Variants in MAP4 observed in about 807,000 individuals in gnomAD.
The protein encoded by MAP4 is microtubule associated protein 4, also known as microtubule-associated protein 4.
Under a neutral mutation model 170.2 loss-of-function variants are expected in MAP4, and 76 were observed. The ratio of observed to expected loss-of-function variants is 0.45; its 90% CI spans 0.37 to 0.54. The LOEUF (loss-of-function observed/expected upper bound fraction) is 0.54, where lower values mean the gene tolerates loss of function less well. Among genes scored for constraint, MAP4 ranks in the 20% least tolerant of loss-of-function variants. MAP4 has a pLI of 0.00. For missense variants in MAP4, 2,506 were observed against 2,748.0 expected, an observed-to-expected ratio of 0.91 and a Z score of 1.97; for synonymous variants, 909 against 994.5, an observed-to-expected ratio of 0.91 and a Z score of 1.62.
At chr3:47,871,578 CTCT>C (rs974185061) in intron 13 of MAP4, among the ~76,000 whole-genome samples, 9 of 152,212 alleles carry the variant, frequency 5.9e-5, no homozygotes, top group Non-Finnish European at 1.0e-4. Context: ...GCACCACGCC[CTCT>C]TCTTATCATC....
upstream of MAP4, among the ~76,000 whole-genome samples, chr3:48,020,897 C>G (rs1320908773): frequency 6.6e-6 from 1 of 152,040 alleles, no homozygotes; most frequent in Non-Finnish European, 1.5e-5. Flanking sequence ...CTCCTGGGCT[C>G]AAGCGATCCT....
chr3:47,889,405 C>T (rs1472081170), intron 10 of MAP4, among the ~76,000 whole-genome samples: 1 of 152,244 alleles, frequency 6.6e-6, no homozygotes, highest in African/African-American at 2.4e-5. Context: ...TTCCACAATT[C>T]ACAACCCTCC....
At position 47,911,896 on chromosome 3, in the gene MAP4, G is replaced by T; in HGVS notation, c.2525C>A (p.Ala842Asp). Residue 842 changes from alanine (A) to aspartate (D), a missense_variant, in exon 9 of 21, where the codon GCC (alanine) becomes GAC (aspartate). Ala to Asp is a moderately radical substitution (Grantham distance 126). Around this residue, in one of 3 missense-constraint regions of MAP4, gnomAD observed 2,008 missense variants for 2,206.0 expected, o/e 0.91. Transcript: ENST00000683076. The surrounding 1 kb of genome is among the most constrained non-coding windows in gnomAD (Gnocchi z 4.0). ...KRECLVNSSA[A>D]RLVAENFVSE... ...GACAAAGTTCTCAGCTACCAGTCTG[G>T]CTGCACTGGAGTTAACTAAACATTC... The T allele has an allele frequency of 6.5e-7, 1 of 1,536,052 alleles. No individual in the cohort carries two copies. The highest frequency in any genetic ancestry group is 1.4e-5 in the African/African-American group (1 of 73,138).
intron 3 of MAP4, among the ~76,000 whole-genome samples, chr3:47,977,601 A>G (rs918243416): frequency 6.6e-6 from 1 of 152,332 alleles, no homozygotes; most frequent in South Asian, 2.1e-4. Flanking sequence ...TGCATCTACA[A>G]AAGTATTTTA....
chr3:47,926,537 G>A (rs970371441), intron 4 of MAP4, among the ~76,000 whole-genome samples: 3 of 151,998 alleles, frequency 2.0e-5, no homozygotes, highest in African/African-American at 7.3e-5. Context: ...CTGTCTGTCT[G>A]TCTACACATC....
intron 1 of MAP4, among the ~76,000 whole-genome samples, chr3:48,008,245 T>C (rs2100103474): frequency 6.6e-6 from 1 of 152,158 alleles, no homozygotes; most frequent in South Asian, 2.1e-4. Flanking sequence ...GCCTTCTCTC[T>C]CCCAGCCTGC....
Position 47,871,920 on chromosome 3 carries a change from T to A in MAP4, c.5938A>T (p.Thr1980Ser), listed in dbSNP as rs768746113. 2.5e-6 allele frequency: 4 copies of A among 1,608,966 alleles called. No individual in the cohort carries two copies. The highest frequency in any genetic ancestry group is 3.4e-6 in the Non-Finnish European group (4 of 1,176,430). The change falls in exon 13 of 21, where the codon ACT becomes TCT. Residue 1980 changes from threonine to serine, a missense_variant. Thr to Ser is a moderately conservative substitution (Grantham distance 58). This residue lies in a region of MAP4 where 487 missense variants were observed against 511.6 expected (regional missense o/e 0.95). Transcript: ENST00000683076. ...SPSTLLPKKP[T>S]AIKTEGKPAE... The stretch of plus-strand genomic sequence containing the variant: ...GGGAGAGAAAGGCAATACTCACCAG[T>A]GGGCTTCTTGGGCAGGAGCGTGGAG...
rs1225139260 is a variant in MAP4, at chr3:47,949,467, A to C, written c.293-21117T>G. Among the ~76,000 whole-genome samples, 48 of 82,640 alleles carry C rather than the reference A, an allele frequency of 5.8e-4. No homozygotes were observed. In the East Asian group the frequency reaches 0.015, roughly 26 times the overall value. 54.2% of individuals were successfully genotyped at this position (82,640 alleles called of 152,430 possible). ...GGCAACAGAGCAAGACTGCGTCCCA[A>C]AAAAAAAAAAAAAAAAAAAAAAGAA... is the stretch of plus-strand genomic sequence containing the variant. On this transcript the variant is annotated intron_variant, in intron 3 of 20. Coordinates refer to ENST00000683076, the MANE Select transcript of MAP4 (RefSeq NM_001385682.1).
intron 2 of MAP4, among the ~76,000 whole-genome samples, chr3:47,994,925 T>G (rs1160080921): frequency 6.8e-6 from 1 of 147,768 alleles, no homozygotes; most frequent in Non-Finnish European, 1.5e-5. Flanking sequence ...CTCCAGCCTG[T>G]GCAATAGAGC....
At chr3:48,083,966 C>T (rs987587172) in intron 1 of MAP4, among the ~76,000 whole-genome samples, 18 of 152,006 alleles carry the variant, frequency 1.2e-4, no homozygotes, top group Admixed American at 1.2e-3. Context: ...CTCAAGTGAT[C>T]CCCCTGCCTC....
rs900062657 is a variant in MAP4 at position 47,852,501 on chromosome 3, G to C, written c.*433C>G. ...CCTCCAGGTAGATCCAGGGAGAAGG[G>C]AGGGCATGTCAGTTTCTTTTGGGTT... On this transcript the variant is annotated 3_prime_UTR_variant, in exon 21 of 21. Transcript: ENST00000683076. 1.0e-4 allele frequency: 43 copies of C among 421,650 alleles called. No homozygotes were observed. Among genetic ancestry groups the C allele is most frequent in the Middle Eastern group, 6.2e-4 (1 of 1,618 alleles). 26.1% of individuals were successfully genotyped at this position (421,650 alleles called of 1,614,324 possible). A position where few individuals can be genotyped will look rare whatever the true frequency, so the allele number is the denominator to read the frequency against.
At position 47,870,965 on chromosome 3, in the gene MAP4, A is replaced by C; in HGVS notation, c.6142T>G (p.Phe2048Val). The change falls in exon 15 of 21, where the codon TTC (phenylalanine) becomes GTC (valine). Residue 2048 changes from phenylalanine (F) to valine (V), a missense_variant. Physicochemically the swap from Phe to Val is conservative, Grantham distance 50. Around this residue, in one of 3 missense-constraint regions of MAP4, gnomAD observed 487 missense variants for 511.6 expected, o/e 0.95. Transcript: ENST00000683076. ...PMPSRPSTTP[F>V]IDKKPTSAKP... ...GCCGAGGTGGGCTTCTTGTCTATGA[A>C]AGGAGTTGTGGAGGGCCGGGAGGGC... 2 of 1,614,044 alleles carry C rather than the reference A, an allele frequency of 1.2e-6. No individual in the cohort carries two copies. Among genetic ancestry groups the C allele is most frequent in the Non-Finnish European group, 1.7e-6 (2 of 1,179,966 alleles).
At chr3:48,062,033 G>C (rs1258046844) in intron 1 of MAP4, among the ~76,000 whole-genome samples, 1 of 152,234 alleles carries the variant, frequency 6.6e-6, no homozygotes, top group Non-Finnish European at 1.5e-5. Context: ...GCCATGATGA[G>C]GATGGCGGTT....
intron 2 of MAP4, among the ~76,000 whole-genome samples, chr3:47,994,290 C>T (rs1055063969): frequency 4.6e-5 from 7 of 152,088 alleles, no homozygotes; most frequent in East Asian, 1.9e-4. Context: ...CCATAATGCA[C>T]GGTGGAGACA....
rs150601045 is a variant in MAP4, at chr3:48,002,991, A to T, written c.-19-4112T>A. On this transcript the variant is annotated intron_variant, in intron 1 of 20. Coordinates refer to ENST00000683076, the MANE Select transcript of MAP4 (RefSeq NM_001385682.1). ...TAAATAAATAAATAAATAAATAAAT[A>T]AATTTAATTCCATTTAGAAATATCT... Among the ~76,000 whole-genome samples the T allele has an allele frequency of 3.9e-3, 586 of 150,650 alleles. 3 individuals carry two copies. The highest frequency in any genetic ancestry group is 0.013 in the African/African-American group (550 of 40,788).
chr3:47,912,937 G>A (rs566028803), intron 8 of MAP4, among the ~76,000 whole-genome samples: 1 of 152,208 alleles, frequency 6.6e-6, no homozygotes, highest in African/African-American at 2.4e-5. Context: ...CTGGGAACTA[G>A]ATCAGAAGGC....
intron 1 of MAP4, among the ~76,000 whole-genome samples, chr3:48,057,634 A>AAAT (rs1559874351): frequency 1.9e-4 from 25 of 130,444 alleles, no homozygotes; most frequent in Admixed American, 4.4e-4. Flanking sequence ...AATAAATAAA[A>AAAT]AAGAAAAAAA....
At chr3:48,086,675 C>T (rs1160894969) in intron 1 of MAP4, among the ~76,000 whole-genome samples, 1 of 152,086 alleles carries the variant, frequency 6.6e-6, no homozygotes, top group African/African-American at 2.4e-5. Flanking sequence ...TTAAAAAATA[C>T]CCACTAAGAA....
Position 47,917,049 on chromosome 3 carries a change from G to A in MAP4, c.778C>T (p.Leu260Phe). The change falls in exon 7 of 21, where the codon CTC becomes TTC. Residue 260 changes from leucine to phenylalanine, a missense_variant. Physicochemically the swap from Leu to Phe is conservative, Grantham distance 22. Transcript: ENST00000683076. ...GTAGCTAGTGCCATGTCCTTGGCGAGGGCCATCTCTGTTTCTTTAGATGGT... is the reference window on the plus strand; with the variant it reads ...GTAGCTAGTGCCATGTCCTTGGCGAAGGCCATCTCTGTTTCTTTAGATGGT... ...MAPSKETEMA[L>F]AKDMALATKT... The A allele has an allele frequency of 6.2e-7, 1 of 1,614,176 alleles. No individual in the cohort carries two copies. The highest frequency in any genetic ancestry group is 1.3e-5 in the African/African-American group (1 of 75,046).
Sources: gnomAD v4.1 joint callset for allele counts (sites outside exome capture counted in the v4.1 genomes callset) on GRCh38, gnomAD v4.1.1 for gene constraint, gnomAD v4.1.1 regional missense constraint, Gnocchi (gnomAD v3.1) non-coding constraint, MANE v1.5 for transcripts, NCBI Gene and HGNC (gene_info 2026-07-23, HGNC 2026-07-21) for gene names.